Variants in ADAMTS18 observed in about 807,000 individuals in gnomAD.
The protein encoded by ADAMTS18 is A disintegrin and metalloproteinase with thrombospondin motifs 18.
In ADAMTS18, 157 loss-of-function variants were observed where a neutral mutation model predicts 165.9. That is an observed-to-expected ratio of 0.95 (90% CI 0.83 to 1.08). ADAMTS18 has a LOEUF of 1.08. Among genes scored for constraint, ADAMTS18 ranks in the 50% least tolerant of loss-of-function variants. The pLI, the probability that ADAMTS18 is intolerant of heterozygous loss-of-function variation, is 0.00. For missense variants in ADAMTS18, 2,040 were observed against 1,534.0 expected (o/e 1.33, Z -5.51); for synonymous variants, 782 against 578.2 (o/e 1.35, Z -5.06).
intron 3 of ADAMTS18, among the ~76,000 whole-genome samples, chr16:77,410,355 T>G (rs1250823232): frequency 6.6e-6 from 1 of 152,078 alleles, no homozygotes; most frequent in Admixed American, 6.5e-5. Context: ...AGGCCTCATC[T>G]TTTTTAAAAA....
At chr16:77,388,666 C>A (rs1176665530) in intron 3 of ADAMTS18, among the ~76,000 whole-genome samples, 1 of 152,164 alleles carries the variant, frequency 6.6e-6, no homozygotes. Flanking sequence ...ATGCCTGCCA[C>A]ACAGTGAGTG....
At chr16:77,302,735 AG>A (rs1397763097) in intron 16 of ADAMTS18, among the ~76,000 whole-genome samples, 1 of 152,252 alleles carries the variant, frequency 6.6e-6, no homozygotes, top group Non-Finnish European at 1.5e-5. Context: ...TTAAAAAAGT[AG>A]TTTGACAAAT....
chr16:77,391,545 C>T (rs1243500970), intron 3 of ADAMTS18, among the ~76,000 whole-genome samples: 1 of 150,992 alleles, frequency 6.6e-6, no homozygotes, highest in Non-Finnish European at 1.5e-5. Flanking sequence ...CTGTCAATGT[C>T]AAATAACAAG....
At chr16:77,410,973 A>C (rs893482882) in intron 3 of ADAMTS18, among the ~76,000 whole-genome samples, 6 of 152,214 alleles carry the variant, frequency 3.9e-5, no homozygotes, top group African/African-American at 1.4e-4. Context: ...TAGTTTTGGA[A>C]GACCATTACA....
intron 3 of ADAMTS18, among the ~76,000 whole-genome samples, chr16:77,381,024 C>T (rs556871329): frequency 5.3e-5 from 8 of 152,152 alleles, no homozygotes; most frequent in Admixed American, 1.3e-4. Context: ...ACAAGTGCTG[C>T]CATCATGCCT....
chr16:77,334,507 AT>A (rs1392016486), intron 12 of ADAMTS18, among the ~76,000 whole-genome samples: 3 of 112,102 alleles, frequency 2.7e-5, no homozygotes, highest in African/African-American at 3.7e-5. Context: ...TATACTGTAT[AT>A]TATAGTATAT....
intron 3 of ADAMTS18, among the ~76,000 whole-genome samples, chr16:77,419,082 G>A (rs1392507228): frequency 6.6e-6 from 1 of 152,170 alleles, no homozygotes; most frequent in African/African-American, 2.4e-5. Flanking sequence ...CCAGGAGGCG[G>A]AGACTGCAGT....
intron 5 of ADAMTS18, 78 bp from the exon 6 acceptor site, chr16:77,363,963 A>G: frequency 1.4e-6 from 2 of 1,390,420 alleles, no homozygotes; most frequent in Non-Finnish European, 2.0e-6. Context: ...ATATTGACTG[A>G]AGTACGCAGG....
intron 3 of ADAMTS18, 93 bp downstream of exon 3, chr16:77,431,202 T>C (rs889809020): frequency 7.4e-7 from 1 of 1,353,658 alleles, no homozygotes; most frequent in Non-Finnish European, 1.1e-6. Context: ...TGTGTGGAGT[T>C]GGCTGGAAGA....
intron 10 of ADAMTS18, among the ~76,000 whole-genome samples, chr16:77,343,738 A>G (rs1039061895): frequency 3.3e-5 from 5 of 152,210 alleles, no homozygotes; most frequent in Admixed American, 2.0e-4. Context: ...AAAGAAACAG[A>G]ACCAGATTAC....
intron 20 of ADAMTS18, among the ~76,000 whole-genome samples, chr16:77,291,884 G>C (rs1393374696): frequency 6.6e-6 from 1 of 152,152 alleles, no homozygotes; most frequent in African/African-American, 2.4e-5. Flanking sequence ...GAGGGTAAGG[G>C]CCAGAGAAAA....
intron 16 of ADAMTS18, among the ~76,000 whole-genome samples, chr16:77,308,125 T>C (rs577315163): frequency 6.6e-6 from 1 of 152,298 alleles, no homozygotes; most frequent in Non-Finnish European, 1.5e-5. Flanking sequence ...GAATGGGCTT[T>C]CAAAGAGTTA....
chr16:77,321,168 G>C lies in ADAMTS18; in HGVS notation c.2198C>G (p.Ala733Gly). 1.9e-6 allele frequency: 3 copies of C among 1,614,164 alleles called. No individual in the cohort carries two copies. The highest frequency in any genetic ancestry group is 2.5e-6 in the Non-Finnish European group (3 of 1,180,022). The change falls in exon 15 of 23, where the codon GCA (alanine) becomes GGA (glycine). Residue 733 changes from alanine (A) to glycine (G), a missense_variant. Transcript: ENST00000282849. Reference sequence around the variant, plus strand: ...GCAAACGCCACAAGCATCTGAAACTGCTTTAGAGCCTAGTTCATGATCACA... The same window carrying C: ...GCAAACGCCACAAGCATCTGAAACTCCTTTAGAGCCTAGTTCATGATCACA... Reference protein sequence around the residue: ...VGCDHELGSKAVSDACGVCKG... With the variant: ...VGCDHELGSKGVSDACGVCKG...
At chr16:77,379,288 G>A (rs943770603) in intron 3 of ADAMTS18, among the ~76,000 whole-genome samples, 1 of 152,156 alleles carries the variant, frequency 6.6e-6, no homozygotes, top group Non-Finnish European at 1.5e-5. Flanking sequence ...TTATCCTCCT[G>A]CTCCACTGAA....
At position 77,359,309 on chromosome 16, in the gene ADAMTS18, G is replaced by C. The variant is rs1356763173; in HGVS notation, c.1322+9C>G. 1.9e-6 allele frequency: 3 copies of C among 1,609,626 alleles called. No individual in the cohort carries two copies. In the African/African-American group the frequency reaches 4.0e-5, roughly 22 times the overall value. On this transcript the variant is annotated intron_variant, in intron 8 of 22. Coordinates refer to ENST00000282849, the MANE Select transcript of ADAMTS18 (RefSeq NM_199355.4). Reference sequence around the variant, plus strand: ...TTCACATAAAGTAGTGGTTCAAAGAGGCACTTACTTGTGCCCTGACTCATG... The same window carrying C: ...TTCACATAAAGTAGTGGTTCAAAGACGCACTTACTTGTGCCCTGACTCATG...
intron 11 of ADAMTS18, among the ~76,000 whole-genome samples, chr16:77,339,026 G>A (rs926261535): frequency 4.6e-5 from 7 of 151,682 alleles, no homozygotes; most frequent in Admixed American, 3.3e-4. Context: ...TACAAATATC[G>A]CTGAAGGACA....
At chr16:77,319,474 G>A (rs1463487441) in intron 16 of ADAMTS18, among the ~76,000 whole-genome samples, 1 of 152,092 alleles carries the variant, frequency 6.6e-6, no homozygotes, top group Non-Finnish European at 1.5e-5. Flanking sequence ...AAACAGTCTT[G>A]CTCTGTTGCC....
At chr16:77,351,479 T>C (rs1313817387) in intron 10 of ADAMTS18, among the ~76,000 whole-genome samples, 1 of 152,190 alleles carries the variant, frequency 6.6e-6, no homozygotes, top group African/African-American at 2.4e-5. Flanking sequence ...ACCCCACAAA[T>C]ACATGGTTCT....
chr16:77,363,837 C>A lies in ADAMTS18; in HGVS notation c.1021G>T (p.Val341Phe), dbSNP rs1455691908. ...DGTIGSDINV[V>F]VVSLILLEQE... ...TCCAGAAGAATTAGGCTCACCACAA[C>A]CACGTTTATGTCACTTCCAATAGTC... The change falls in exon 6 of 23, where the codon GTT becomes TTT. Residue 341 changes from valine (V) to phenylalanine (F), a missense_variant. Transcript: ENST00000282849. 6.2e-7 allele frequency: 1 copy of A among 1,613,996 alleles called. No individual in the cohort carries two copies. The highest frequency in any genetic ancestry group is 1.3e-5 in the African/African-American group (1 of 75,034).
Sources: gnomAD v4.1 joint callset for allele counts (sites outside exome capture counted in the v4.1 genomes callset) on GRCh38, gnomAD v4.1.1 for gene constraint, MANE v1.5 for transcripts, NCBI Gene and HGNC (gene_info 2026-07-23, HGNC 2026-07-21) for gene names.